The following TMEM266 variants were observed in gnomAD, a reference collection of about 807,000 sequenced individuals.
TMEM266 encodes Hv1 related protein 1.
Under a neutral mutation model 50.5 loss-of-function variants are expected in TMEM266, and 33 were observed. The observed-to-expected ratio is 0.65, with a 90% confidence interval of 0.50 to 0.87. The LOEUF is 0.87. Among genes scored for constraint, TMEM266 ranks in the 40% least tolerant of loss-of-function variants. The pLI is 0.00. For missense variants in TMEM266, 655 were observed against 695.1 expected (o/e 0.94, Z 0.65); for synonymous variants, 310 against 292.3 (o/e 1.06, Z -0.62).
intron 3 of TMEM266, among the ~76,000 whole-genome samples, chr15:76,154,238 A>G (rs981078674): frequency 6.6e-6 from 1 of 152,232 alleles, no homozygotes; most frequent in Non-Finnish European, 1.5e-5. Flanking sequence ...TGTTTAGGGT[A>G]TACTAGAAAA....
At chr15:76,118,788 G>A (rs1418216883) in intron 1 of TMEM266, among the ~76,000 whole-genome samples, 1 of 152,102 alleles carries the variant, frequency 6.6e-6, no homozygotes, top group African/African-American at 2.4e-5. Context: ...AGATCCTTCC[G>A]GCATCCCAGG....
chr15:76,107,564 T>C (rs1344742416), intron 1 of TMEM266, among the ~76,000 whole-genome samples: 1 of 152,242 alleles, frequency 6.6e-6, no homozygotes, highest in African/African-American at 2.4e-5. Context: ...AAAGTTCAGA[T>C]TTGAACCCAA....
At chr15:76,150,895 A>G (rs1370163416) in intron 3 of TMEM266, among the ~76,000 whole-genome samples, 2 of 152,202 alleles carry the variant, frequency 1.3e-5, no homozygotes, top group African/African-American at 2.4e-5. Context: ...TGAATTTTTT[A>G]TGCAAACACC....
At chr15:76,114,399 G>A (rs1348168668) in intron 1 of TMEM266, among the ~76,000 whole-genome samples, 1 of 151,946 alleles carries the variant, frequency 6.6e-6, no homozygotes, top group Non-Finnish European at 1.5e-5. Flanking sequence ...ACACGCCTGA[G>A]GTTCTACCTA....
intron 3 of TMEM266, among the ~76,000 whole-genome samples, chr15:76,151,783 C>T (rs147291965): frequency 6.6e-6 from 1 of 152,308 alleles, no homozygotes; most frequent in East Asian, 1.9e-4. Flanking sequence ...GAAATGCAGA[C>T]TCAAATTCAG....
rs201057411 is a variant in TMEM266, at chr15:76,203,930, C to T, written c.1211C>T (p.Thr404Met). The T allele has an allele frequency of 7.1e-5, 115 of 1,614,058 alleles. No individual in the cohort carries two copies. Among genetic ancestry groups the T allele is most frequent in the Middle Eastern group, 3.3e-4 (2 of 6,060 alleles). Residue 404 changes from threonine (T) to methionine (M), a missense_variant, in exon 11 of 11, where the codon ACG (threonine) becomes ATG (methionine). Physicochemically the swap from Thr to Met is moderately conservative, Grantham distance 81. This residue lies in a region of TMEM266 where 455 missense variants were observed against 401.8 expected (regional missense o/e 1.13). Coordinates refer to ENST00000388942, the MANE Select transcript of TMEM266 (RefSeq NM_152335.3). ...CGGGCCCAGAGTGACAGCAGCCAGACGCTGGGCTCCTCCATGGACTGCAGC... is the reference window on the plus strand; with the variant it reads ...CGGGCCCAGAGTGACAGCAGCCAGATGCTGGGCTCCTCCATGGACTGCAGC...
At chr15:76,197,969 TC>T in intron 9 of TMEM266, among the ~76,000 whole-genome samples, 1 of 152,290 alleles carries the variant, frequency 6.6e-6, no homozygotes, top group Non-Finnish European at 1.5e-5. Context: ...GGAGGATTAG[TC>T]AGGTTGGGTT....
At chr15:76,172,158 G>A (rs1157248831) in intron 7 of TMEM266, among the ~76,000 whole-genome samples, 4 of 152,178 alleles carry the variant, frequency 2.6e-5, no homozygotes, top group Non-Finnish European at 1.5e-5. Flanking sequence ...TGGTTCCCAG[G>A]ATGTTTTGTT....
At position 76,067,652 on chromosome 15, in the gene TMEM266, AAAG is replaced by A. The variant is rs1484763309; in HGVS notation, c.-97+7639_-97+7641del. ...CGTCTCAAAAAAAAAAAAAAAAAGA[AAAG>A]AAAAGAAAAGAAAAGAAAAAGTCAT... On this transcript the variant is annotated intron_variant, in intron 1 of 10. Transcript: ENST00000388942. Among the ~76,000 whole-genome samples the A allele has an allele frequency of 1.3e-3, 189 of 145,340 alleles. 1 individual carries two copies. Among genetic ancestry groups the A allele is most frequent in the Non-Finnish European group, 2.5e-3 (163 of 66,350 alleles).
At chr15:76,195,953 C>T (rs980177885) in intron 9 of TMEM266, among the ~76,000 whole-genome samples, 1 of 152,222 alleles carries the variant, frequency 6.6e-6, no homozygotes, top group Non-Finnish European at 1.5e-5. Flanking sequence ...CCTGCTCCTC[C>T]TCTCTCTGCA....
chr15:76,116,752 A>C (rs190329454), intron 1 of TMEM266, among the ~76,000 whole-genome samples: 79 of 152,282 alleles, frequency 5.2e-4, no homozygotes, highest in Middle Eastern at 3.4e-3. Flanking sequence ...AGGGATTGTC[A>C]AACATATGTC....
At chr15:76,104,255 C>T (rs539435272) in intron 1 of TMEM266, among the ~76,000 whole-genome samples, 2 of 152,062 alleles carry the variant, frequency 1.3e-5, no homozygotes, top group Admixed American at 1.3e-4. Context: ...GATCTGCACT[C>T]TCCAATATAG....
intron 1 of TMEM266, among the ~76,000 whole-genome samples, chr15:76,122,423 A>C (rs1157527278): frequency 6.6e-6 from 1 of 152,242 alleles, no homozygotes. Context: ...TACCATATGT[A>C]GTATGAAAAG....
At chr15:76,065,669 A>G (rs984095897) in intron 1 of TMEM266, among the ~76,000 whole-genome samples, 1 of 152,186 alleles carries the variant, frequency 6.6e-6, no homozygotes, top group Non-Finnish European at 1.5e-5. Flanking sequence ...AAGAGTAGCT[A>G]CGGCAGAGGA....
chr15:76,157,518 T>G (rs1335731606), intron 4 of TMEM266, among the ~76,000 whole-genome samples: 1 of 152,208 alleles, frequency 6.6e-6, no homozygotes, highest in African/African-American at 2.4e-5. Flanking sequence ...GACATGGCTG[T>G]CTGAGTGGAG....
In TMEM266 at chr15:76,204,065, A is replaced by C; in HGVS notation, c.1346A>C (p.Glu449Ala). The change falls in exon 11 of 11, where the codon GAG (glutamate) becomes GCG (alanine). Residue 449 changes from glutamate to alanine, a missense_variant. By Grantham distance (107) the Glu-to-Ala change is moderately radical. This residue lies in a region of TMEM266 where 455 missense variants were observed against 401.8 expected (regional missense o/e 1.13). Coordinates refer to ENST00000388942, the MANE Select transcript of TMEM266 (RefSeq NM_152335.3). ...CAGGACCTGCTGTCCTCCCTGTCGG[A>C]GGACCCCTGCCCTTCCCAGAAGGCC... is the stretch of plus-strand genomic sequence containing the variant. 1.2e-6 allele frequency: 2 copies of C among 1,612,178 alleles called. No individual in the cohort carries two copies. The highest frequency in any genetic ancestry group is 1.7e-6 in the Non-Finnish European group (2 of 1,179,170).
At chr15:76,116,930 G>A (rs1265410358) in intron 1 of TMEM266, among the ~76,000 whole-genome samples, 2 of 133,734 alleles carry the variant, frequency 1.5e-5, no homozygotes, top group Non-Finnish European at 3.1e-5. Flanking sequence ...ACGGAGTTTC[G>A]CTCTTGTTGC....
chr15:76,188,217 G>T (rs1165352699), intron 8 of TMEM266, among the ~76,000 whole-genome samples: 1 of 152,154 alleles, frequency 6.6e-6, no homozygotes, highest in Non-Finnish European at 1.5e-5. Context: ...AAGGAAAGAG[G>T]TTTAATTGAG....
At chr15:76,103,467 C>G (rs2093553332) in intron 1 of TMEM266, among the ~76,000 whole-genome samples, 1 of 151,682 alleles carries the variant, frequency 6.6e-6, no homozygotes, top group Non-Finnish European at 1.5e-5. Flanking sequence ...ACCACTCTCT[C>G]TAAGGTTTTT....
Sources: gnomAD v4.1 joint callset for allele counts (sites outside exome capture counted in the v4.1 genomes callset) on GRCh38, gnomAD v4.1.1 for gene constraint, gnomAD v4.1.1 regional missense constraint, MANE v1.5 for transcripts, NCBI Gene and HGNC (gene_info 2026-07-23, HGNC 2026-07-21) for gene names.